The following CTDSPL variants were observed in gnomAD, a reference collection of about 807,000 sequenced individuals.
The protein encoded by CTDSPL is CTD small phosphatase-like protein.
In CTDSPL, 8 loss-of-function variants were observed where a neutral mutation model predicts 30.5. That is an observed-to-expected ratio of 0.26 (90% CI 0.15 to 0.47). CTDSPL has a LOEUF of 0.47. Among genes scored for constraint, CTDSPL ranks in the 20% least tolerant of loss-of-function variants. CTDSPL has a pLI of 0.99. For missense variants in CTDSPL, 248 were observed against 366.1 expected (o/e 0.68, Z 2.63); for synonymous variants, 110 against 137.9 (o/e 0.80, Z 1.42).
At chr3:37,895,277 G>C (rs1698378254) in intron 1 of CTDSPL, among the ~76,000 whole-genome samples, 2 of 152,098 alleles carry the variant, frequency 1.3e-5, no homozygotes, top group Admixed American at 1.3e-4. Flanking sequence ...CTCTGTCTCT[G>C]AATCGAGGCA....
intron 5 of CTDSPL, among the ~76,000 whole-genome samples, chr3:37,970,095 C>T (rs1198175261): frequency 6.6e-6 from 1 of 152,182 alleles, no homozygotes; most frequent in Non-Finnish European, 1.5e-5. Context: ...CTCTCACTAC[C>T]TCTGATGGCT....
intron 1 of CTDSPL, among the ~76,000 whole-genome samples, chr3:37,886,733 T>G (rs1698267604): frequency 6.6e-6 from 1 of 152,218 alleles, no homozygotes; most frequent in African/African-American, 2.4e-5. Context: ...TCTTCATAGA[T>G]TCCTGGCCAG....
At chr3:37,920,610 G>A (rs954298037) in intron 1 of CTDSPL, among the ~76,000 whole-genome samples, 3 of 152,194 alleles carry the variant, frequency 2.0e-5, no homozygotes, top group Non-Finnish European at 4.4e-5. Flanking sequence ...CCTCACTTGA[G>A]CCTACAGATG....
intron 1 of CTDSPL, among the ~76,000 whole-genome samples, chr3:37,885,309 A>G (rs757693242): frequency 1.3e-5 from 2 of 152,222 alleles, no homozygotes; most frequent in African/African-American, 4.8e-5. Context: ...ATAGGTAGCC[A>G]TGGAAGTAAA....
chr3:37,971,260 C>T lies in CTDSPL; in HGVS notation c.427-147C>T, dbSNP rs150799079. 5.4e-4 allele frequency: 353 copies of T among 649,846 alleles called. 2 individuals are homozygous for T. Among genetic ancestry groups the T allele is most frequent in the African/African-American group, 4.1e-3 (228 of 55,256 alleles). 40.3% of individuals were successfully genotyped at this position (649,846 alleles called of 1,614,324 possible). A position where few individuals can be genotyped will look rare whatever the true frequency, so the allele number is the denominator to read the frequency against. On this transcript the variant is annotated intron_variant, in intron 5 of 7. Coordinates refer to ENST00000273179, the MANE Select transcript of CTDSPL (RefSeq NM_001008392.2). ...ACGTCTGACTCCATAGCCCCTCATACAGTCTAGGCCTCTGCCTGCTATGCA... is the reference window on the plus strand; with the variant it reads ...ACGTCTGACTCCATAGCCCCTCATATAGTCTAGGCCTCTGCCTGCTATGCA...
chr3:37,883,665 ACTT>A (rs1482533566), intron 1 of CTDSPL, among the ~76,000 whole-genome samples: 4 of 152,222 alleles, frequency 2.6e-5, no homozygotes, highest in Non-Finnish European at 4.4e-5. Flanking sequence ...AGGTGGTGTT[ACTT>A]CTTCTTTAAA....
intron 2 of CTDSPL, among the ~76,000 whole-genome samples, chr3:37,956,002 G>T (rs570819881): frequency 6.6e-6 from 1 of 152,314 alleles, no homozygotes; most frequent in South Asian, 2.1e-4. Flanking sequence ...TGCATTGTCT[G>T]TTGGAGAGCA....
chr3:37,902,891 C>G (rs1698468076), intron 1 of CTDSPL, among the ~76,000 whole-genome samples: 1 of 152,224 alleles, frequency 6.6e-6, no homozygotes, highest in Admixed American at 6.5e-5. Context: ...CAATACGTTA[C>G]TCAGAGAGTT....
intron 3 of CTDSPL, among the ~76,000 whole-genome samples, chr3:37,964,345 G>A (rs1699276461): frequency 6.6e-6 from 1 of 152,196 alleles, no homozygotes; most frequent in Admixed American, 6.5e-5. Flanking sequence ...GCTGATGATT[G>A]AAACCAGGTT....
chr3:37,984,223 G>A lies in CTDSPL; in HGVS notation c.*3356G>A, dbSNP rs1325252219. ...CCTACTGTACTGTAACTTTGATCATGTCTGTTCCTGTTCCATTCTCCCAGG... is the reference window on the plus strand; with the variant it reads ...CCTACTGTACTGTAACTTTGATCATATCTGTTCCTGTTCCATTCTCCCAGG... On this transcript the variant is annotated 3_prime_UTR_variant, in exon 8 of 8. Transcript: ENST00000273179. 2 of 456,486 alleles carry A rather than the reference G, an allele frequency of 4.4e-6. No homozygotes were observed. Among genetic ancestry groups the A allele is most frequent in the African/African-American group, 2.0e-5 (1 of 49,858 alleles). 28.3% of individuals were successfully genotyped at this position (456,486 alleles called of 1,614,324 possible). A position where few individuals can be genotyped will look rare whatever the true frequency, so the allele number is the denominator to read the frequency against.
chr3:37,930,580 G>T (rs1266784253), intron 1 of CTDSPL, among the ~76,000 whole-genome samples: 1 of 152,130 alleles, frequency 6.6e-6, no homozygotes, highest in Non-Finnish European at 1.5e-5. Flanking sequence ...AAAAAGTTGG[G>T]ATTACAGGCA....
At chr3:37,866,979 C>CTTATTACTG (rs1698017574) in intron 1 of CTDSPL, among the ~76,000 whole-genome samples, 2 of 152,162 alleles carry the variant, frequency 1.3e-5, no homozygotes, top group African/African-American at 4.8e-5. Context: ...CCCGGTTTCT[C>CTTATTACTG]TTATTACTGA....
intron 1 of CTDSPL, among the ~76,000 whole-genome samples, chr3:37,891,247 T>C (rs563523324): frequency 1.3e-5 from 2 of 152,316 alleles, no homozygotes; most frequent in African/African-American, 4.8e-5. Context: ...GTACCTTATA[T>C]ATCTGGGATC....
At chr3:37,946,348 G>A (rs777959840) in intron 1 of CTDSPL, among the ~76,000 whole-genome samples, 1 of 152,200 alleles carries the variant, frequency 6.6e-6, no homozygotes, top group East Asian at 1.9e-4. Context: ...CCTGGATCTC[G>A]TGAAGATGGG....
chr3:37,949,146 A>G (rs1055238505), intron 2 of CTDSPL, among the ~76,000 whole-genome samples: 1 of 152,252 alleles, frequency 6.6e-6, no homozygotes, highest in Non-Finnish European at 1.5e-5. Flanking sequence ...CTTATCAAAG[A>G]TATTTTTAAA....
chr3:37,907,203 C>A (rs959728113), intron 1 of CTDSPL, among the ~76,000 whole-genome samples: 1 of 152,184 alleles, frequency 6.6e-6, no homozygotes, highest in Non-Finnish European at 1.5e-5. Flanking sequence ...CTGCAGCAGC[C>A]GCCTTCTGAC....
At chr3:37,927,636 ATGTGTGTGTGTGTGTGTG>A (rs71094932) in intron 1 of CTDSPL, among the ~76,000 whole-genome samples, 1 of 115,780 alleles carries the variant, frequency 8.6e-6, no homozygotes, top group Non-Finnish European at 1.7e-5. Flanking sequence ...AGAAAAATAT[ATGTGTGTGTGTGTGTGTG>A]TGTGTGTGTG....
intron 1 of CTDSPL, among the ~76,000 whole-genome samples, chr3:37,868,477 C>T (rs962001876): frequency 6.6e-6 from 1 of 151,948 alleles, no homozygotes; most frequent in Admixed American, 6.6e-5. Context: ...AATCTAAGAA[C>T]TCTCTGCCTA....
Position 37,983,141 on chromosome 3 carries a change from GC to G in CTDSPL, c.*2275del, listed in dbSNP as rs1699511902. 1 of 152,786 alleles carries G rather than the reference GC, an allele frequency of 6.5e-6. No homozygotes were observed. The highest frequency in any genetic ancestry group is 2.1e-4 in the South Asian group (1 of 4,860). The allele number at this position is 152,786 out of a possible 1,614,324, so 9.5% of individuals were successfully genotyped here. A position where few individuals can be genotyped will look rare whatever the true frequency, so the allele number is the denominator to read the frequency against. The stretch of plus-strand genomic sequence containing the variant: ...TGCGGAGCTGTTAGGGACGGGCCCA[GC>G]TCCTGCACCACGGACACAGAATGTC... On this transcript the variant is annotated 3_prime_UTR_variant, in exon 8 of 8. Coordinates refer to ENST00000273179, the MANE Select transcript of CTDSPL (RefSeq NM_001008392.2).
Sources: allele counts gnomAD v4.1 joint callset (sites outside exome capture counted in the v4.1 genomes callset), GRCh38; gene constraint gnomAD v4.1.1; transcripts MANE v1.5; gene names NCBI Gene and HGNC (gene_info 2026-07-23, HGNC 2026-07-21).